UFD1: variants seen among roughly 807,000 people sequenced by gnomAD.
The protein encoded by UFD1 is ubiquitin recognition factor in ER associated degradation 1, also known as ubiquitin recognition factor in ER-associated degradation protein 1.
Under a neutral mutation model 45.9 loss-of-function variants are expected in UFD1, and 13 were observed. The ratio of observed to expected loss-of-function variants is 0.28; its 90% CI spans 0.18 to 0.45. The LOEUF (loss-of-function observed/expected upper bound fraction) is 0.45, where lower values mean the gene tolerates loss of function less well. Ranked by LOEUF, UFD1 falls within the 20% of genes least tolerant of loss-of-function variation. The pLI is 1.00. For missense variants in UFD1, 218 were observed against 389.2 expected (o/e 0.56, Z 3.70); for synonymous variants, 128 against 139.2 (o/e 0.92, Z 0.56).
intron 11 of UFD1, chr22:19,453,500 C>G: frequency 2.0e-6 from 2 of 985,494 alleles, no homozygotes; most frequent in Non-Finnish European, 2.4e-6. Context: ...AGGTCACAGT[C>G]AGCCTGGGGG....
At chr22:19,471,310 C>CA in intron 4 of UFD1, 1 of 536,886 alleles carries the variant, frequency 1.9e-6, no homozygotes, top group East Asian at 5.1e-5. Flanking sequence ...TATGCTGTGA[C>CA]AGACTACTAA....
At chr22:19,479,014 GCCC>G (rs2089922442) in intron 1 of UFD1, 66 bp downstream of exon 1, 1 of 1,419,172 alleles carries the variant, frequency 7.0e-7, no homozygotes, top group East Asian at 2.5e-5. Flanking sequence ...GCCCCGCCCT[GCCC>G]CGCCGGGCCC....
At chr22:19,457,092 A>G in intron 7 of UFD1, 174 bp from the exon 8 acceptor site, 1 of 612,316 alleles carries the variant, frequency 1.6e-6, no homozygotes, top group East Asian at 2.8e-5. Context: ...AAATTACAGT[A>G]AAGTATTGCT....
chr22:19,461,801 TA>T (rs1205069748), intron 6 of UFD1, among the ~76,000 whole-genome samples: 1 of 152,174 alleles, frequency 6.6e-6, no homozygotes, highest in Non-Finnish European at 1.5e-5. Flanking sequence ...GCTATACAAT[TA>T]TTTAGGCTGT....
chr22:19,452,040 C>CT, intron 11 of UFD1: 2 of 690,862 alleles, frequency 2.9e-6, no homozygotes, highest in Non-Finnish European at 3.6e-6. Context: ...TTGTGAGTTC[C>CT]TTTTTTCTAA....
intron 4 of UFD1, chr22:19,470,159 C>T (rs1045714032): frequency 4.5e-6 from 2 of 443,578 alleles, no homozygotes; most frequent in Middle Eastern, 1.4e-3. Flanking sequence ...GCAGCAAATA[C>T]TGGGGAGGGC....
Position 19,470,472 on chromosome 22 carries a change from C to T in UFD1, c.291+1215G>A, listed in dbSNP as rs571691611. On this transcript the variant is annotated intron_variant, in intron 4 of 11. Transcript: ENST00000263202. ...GTTTTTTTTTTTTGAGATGGAGTCT[C>T]GCTCTGTCGCCCAGGCTGGAATGCA... 4.3e-3 allele frequency among the ~76,000 whole-genome samples: 643 copies of T among 150,872 alleles called. 4 individuals are homozygous for T. The highest frequency in any genetic ancestry group is 0.013 in the African/African-American group (541 of 41,302).
chr22:19,478,940 T>G (rs2089919696), intron 1 of UFD1, 143 bp downstream of exon 1: 1 of 1,149,182 alleles, frequency 8.7e-7, no homozygotes, highest in East Asian at 2.9e-5. Flanking sequence ...TTGTGCCCGG[T>G]GCGGCCGATG....
chr22:19,457,388 T>C (rs185637253), intron 7 of UFD1, among the ~76,000 whole-genome samples: 21 of 152,342 alleles, frequency 1.4e-4, no homozygotes, highest in Non-Finnish European at 2.5e-4. Context: ...GGATGTTATA[T>C]AACGAAGTAA....
At chr22:19,458,259 C>A in intron 6 of UFD1, 120 bp from the exon 7 acceptor site, 1 of 995,390 alleles carries the variant, frequency 1.0e-6, no homozygotes, top group East Asian at 2.5e-5. Context: ...GCCCATGACA[C>A]AACCTACAGC....
At chr22:19,479,012 C>G (rs1284662800) in intron 1 of UFD1, 71 bp downstream of exon 1, 27 of 1,491,388 alleles carry the variant, frequency 1.8e-5, no homozygotes. Context: ...CCGCCCCGCC[C>G]TGCCCCGCCG....
chr22:19,451,943 AC>A (rs2089686246), intron 11 of UFD1: 1 of 985,160 alleles, frequency 1.0e-6, no homozygotes, highest in Non-Finnish European at 1.2e-6. Context: ...GGATTCTATG[AC>A]TTTCTTATTT....
At chr22:19,456,771 C>G in intron 8 of UFD1, 82 bp downstream of exon 8, 1 of 1,613,740 alleles carries the variant, frequency 6.2e-7, no homozygotes, top group Non-Finnish European at 8.5e-7. Flanking sequence ...CCAACACTAG[C>G]AGAGGCCACC....
At chr22:19,472,257 G>A (rs540103115) in intron 3 of UFD1, among the ~76,000 whole-genome samples, 4 of 152,270 alleles carry the variant, frequency 2.6e-5, no homozygotes, top group African/African-American at 9.6e-5. Flanking sequence ...GGCACTGGGC[G>A]GGCAGACCTG....
intron 4 of UFD1, chr22:19,471,298 T>C (rs1291516206): frequency 7.5e-6 from 4 of 530,092 alleles, no homozygotes; most frequent in Non-Finnish European, 1.5e-5. Context: ...ACTGAAAACA[T>C]GTATGCTGTG....
chr22:19,450,402 C>T lies in UFD1; in HGVS notation c.*268G>A. 2.4e-6 allele frequency: 1 copy of T among 417,890 alleles called. No individual in the cohort carries two copies. The highest frequency in any genetic ancestry group is 2.0e-5 in the African/African-American group (1 of 50,328). The allele number at this position is 417,890 out of a possible 1,614,324, so 25.9% of individuals were successfully genotyped here. ...TCCTGCTGAGGCAGTGGGAGCTCCCCTCAAGCTGAAAGCGTGAAGAGGTGA... is the reference window on the plus strand; with the variant it reads ...TCCTGCTGAGGCAGTGGGAGCTCCCTTCAAGCTGAAAGCGTGAAGAGGTGA... On this transcript the variant is annotated 3_prime_UTR_variant, in exon 12 of 12. Transcript: ENST00000263202.
At position 19,463,830 on chromosome 22, in the gene UFD1, G is replaced by C. The variant is rs997246167; in HGVS notation, c.495+1372C>G. On this transcript the variant is annotated intron_variant, in intron 6 of 11. Transcript: ENST00000263202. ...GTTTTCCCTACTTCTAAAAGTGGAA[G>C]TTCAAACCTGTGTTTCAATTTTACA... Among the ~76,000 whole-genome samples the C allele has an allele frequency of 3.9e-5, 6 of 152,188 alleles. No homozygotes were observed. In the East Asian group the frequency reaches 7.7e-4, roughly 20 times the overall value.
At position 19,449,920 on chromosome 22, in the gene UFD1, A is replaced by C. The variant is rs891063522; in HGVS notation, c.*750T>G. 4 of 152,254 alleles carry C rather than the reference A, an allele frequency of 2.6e-5. No homozygotes were observed. The highest frequency in any genetic ancestry group is 9.6e-5 in the African/African-American group (4 of 41,470). The allele number at this position is 152,254 out of a possible 1,614,324, so 9.4% of individuals were successfully genotyped here. A position where few individuals can be genotyped will look rare whatever the true frequency, so the allele number is the denominator to read the frequency against. ...AAAATACAGGCCAGCAGAAGCTTGG[A>C]TGATTTAATAAATTAAAATTGGGAG... On this transcript the variant is annotated 3_prime_UTR_variant, in exon 12 of 12. Transcript: ENST00000263202.
chr22:19,462,946 G>A (rs1417045483), intron 6 of UFD1, among the ~76,000 whole-genome samples: 2 of 152,150 alleles, frequency 1.3e-5, no homozygotes, highest in Non-Finnish European at 2.9e-5. Context: ...CTTTAAGGAA[G>A]GTTTTGATGA....
Sources: gnomAD v4.1 joint callset for allele counts (sites outside exome capture counted in the v4.1 genomes callset) on GRCh38, gnomAD v4.1.1 for gene constraint, MANE v1.5 for transcripts, NCBI Gene and HGNC (gene_info 2026-07-23, HGNC 2026-07-21) for gene names.